LRCH2: variants seen among roughly 807,000 people sequenced by gnomAD.
LRCH2 encodes the protein leucine rich repeats and calponin homology domain containing 2, also known as leucine-rich repeat and calponin homology domain-containing protein 2.
Under a neutral mutation model 68.9 loss-of-function variants are expected in LRCH2, and 38 were observed. The ratio of observed to expected loss-of-function variants is 0.55; its 90% confidence interval spans 0.43 to 0.72. The LOEUF is 0.72. Among genes scored for constraint, LRCH2 ranks in the 30% least tolerant of loss-of-function variants. LRCH2 has a pLI of 0.00. For missense variants in LRCH2, 528 were observed against 572.9 expected, an observed-to-expected ratio of 0.92 and a Z score of 0.80; for synonymous variants, 191 against 208.1, an observed-to-expected ratio of 0.92 and a Z score of 0.71.
intron 5 of LRCH2, among the ~76,000 whole-genome samples, chrX:115,176,905 C>A (rs1479467628): frequency 9.3e-6 from 1 of 107,961 alleles, no homozygotes. Context: ...TGCCACCACA[C>A]CCAGCTAATT....
At chrX:115,219,053 C>A (rs953244751) in intron 1 of LRCH2, among the ~76,000 whole-genome samples, 2 of 111,839 alleles carry the variant, frequency 1.8e-5, no homozygotes, top group African/African-American at 6.5e-5. Flanking sequence ...TACCTTTCTA[C>A]TGCATGAGAA....
chrX:115,192,184 G>A lies in LRCH2; in HGVS notation c.350-3814C>T, dbSNP rs1392976094. The A allele has an allele frequency of 2.6e-6, 3 of 1,164,224 alleles. No homozygotes were observed. The East Asian group carries it at 9.8e-5, about 38-fold the overall frequency. ...TTACGGAAGAGGAGGCTGCTACGAG[G>A]AATACCAAGGCCGCTCGCCCAATGC... is the stretch of plus-strand genomic sequence containing the variant. On this transcript the variant is annotated intron_variant, in intron 1 of 20. Transcript: ENST00000317135.
chrX:115,128,323 C>T (rs1190589322), intron 15 of LRCH2, among the ~76,000 whole-genome samples: 1 of 111,440 alleles, frequency 9.0e-6, no homozygotes, highest in Non-Finnish European at 1.9e-5. Context: ...GGAATATGTT[C>T]CAAGAACCCC....
chrX:115,217,375 C>G (rs1487229284), intron 1 of LRCH2, among the ~76,000 whole-genome samples: 3 of 110,743 alleles, frequency 2.7e-5, no homozygotes, highest in Non-Finnish European at 5.7e-5. Context: ...CTATCCCTCC[C>G]CTGGCCTCCC....
At chrX:115,164,817 G>T (rs1461190800) in intron 10 of LRCH2, among the ~76,000 whole-genome samples, 4 of 110,845 alleles carry the variant, frequency 3.6e-5, no homozygotes, top group Admixed American at 9.7e-5. Context: ...TTCACCAAAT[G>T]TTTCTTCTTT....
At chrX:115,166,783 T>C (rs2072563367) in intron 6 of LRCH2, among the ~76,000 whole-genome samples, 1 of 110,967 alleles carries the variant, frequency 9.0e-6, no homozygotes, top group Non-Finnish European at 1.9e-5. Context: ...AGAGAGGATG[T>C]AAAAATGAAA....
intron 6 of LRCH2, among the ~76,000 whole-genome samples, chrX:115,167,232 CA>C (rs1227806913): frequency 9.9e-5 from 4 of 40,600 alleles, no homozygotes; most frequent in African/African-American, 1.8e-4. Context: ...ATAACAACAA[CA>C]AAAAAAAACT....
chrX:115,126,593 C>G (rs1325771902), intron 16 of LRCH2: 2 of 252,744 alleles, frequency 7.9e-6, no homozygotes, highest in African/African-American at 5.8e-5. Flanking sequence ...ACAGACACTA[C>G]AGACACTACA....
intron 1 of LRCH2, among the ~76,000 whole-genome samples, chrX:115,218,090 T>C (rs931654819): frequency 4.5e-5 from 5 of 111,264 alleles, no homozygotes; most frequent in Non-Finnish European, 9.4e-5. Flanking sequence ...TGAGCCAAGA[T>C]TGGACCACTG....
At chrX:115,233,095 C>T (rs1429625127) in intron 1 of LRCH2, among the ~76,000 whole-genome samples, 1 of 111,871 alleles carries the variant, frequency 8.9e-6, no homozygotes, top group Non-Finnish European at 1.9e-5. Context: ...ATTTAATTTA[C>T]CACTGCAGCA....
At position 115,111,918 on chromosome X, in the gene LRCH2, A is replaced by G. The variant is rs781997854; in HGVS notation, c.*1298T>C. 8.9e-5 allele frequency: 10 copies of G among 112,356 alleles called. No homozygotes were observed. In the South Asian group the frequency reaches 3.6e-3, roughly 41 times the overall value. 9.3% of individuals were successfully genotyped at this position (112,356 alleles called of 1,213,427 possible). A position where few individuals can be genotyped will look rare whatever the true frequency, so the allele number is the denominator to read the frequency against. On this transcript the variant is annotated 3_prime_UTR_variant, in exon 21 of 21. Coordinates refer to ENST00000317135, the MANE Select transcript of LRCH2 (RefSeq NM_020871.4). ...AAGATATGATGCTTGCTTGGTTACTACAAAAGTAATTATTCAGGTTCTTCT... is the reference window on the plus strand; with the variant it reads ...AAGATATGATGCTTGCTTGGTTACTGCAAAAGTAATTATTCAGGTTCTTCT...
intron 20 of LRCH2, among the ~76,000 whole-genome samples, chrX:115,119,550 C>A (rs1382215441): frequency 1.4e-5 from 1 of 70,385 alleles, no homozygotes; most frequent in Non-Finnish European, 2.7e-5. Context: ...ACATTCCATG[C>A]TCATGGGTAG....
intron 16 of LRCH2, chrX:115,126,396 T>C (rs188212851): frequency 8.9e-6 from 1 of 112,644 alleles, no homozygotes; most frequent in East Asian, 2.8e-4. Context: ...TGCATTGGTT[T>C]CAGACCTAAC....
chrX:115,188,255 AT>A lies in LRCH2; in HGVS notation c.464del (p.Asn155IlefsTer5). The part of the protein sequence containing the change: ...CIKTIPEAIK[N>X]LQMLTYLNIS... ...TGTTAAGGTATGTTAACATCTGCAG[AT>A]TTTTAATGGCTTCAGGAATGGTTTT... On this transcript the variant is annotated frameshift_variant, in exon 2 of 21. Coordinates refer to ENST00000317135, the MANE Select transcript of LRCH2 (RefSeq NM_020871.4). LOFTEE classifies it high-confidence loss of function. 1 of 1,173,882 alleles carries A rather than the reference AT, an allele frequency of 8.5e-7. No homozygotes were observed. The highest frequency in any genetic ancestry group is 1.1e-6 in the Non-Finnish European group (1 of 875,930).
intron 1 of LRCH2, among the ~76,000 whole-genome samples, chrX:115,194,377 A>G (rs1381375827): frequency 2.7e-5 from 3 of 112,010 alleles, no homozygotes; most frequent in African/African-American, 9.7e-5. Flanking sequence ...AGCATCACAC[A>G]GTTCTATTGG....
At chrX:115,123,896 C>T (rs1556526773) in intron 17 of LRCH2, 49 bp downstream of exon 17, 2 of 800,932 alleles carry the variant, frequency 2.5e-6, no homozygotes, top group South Asian at 5.3e-5. Context: ...AGCTGGGAAA[C>T]TAGTTTCATA....
chrX:115,146,082 A>G (rs781962781), intron 14 of LRCH2, among the ~76,000 whole-genome samples: 2 of 112,327 alleles, frequency 1.8e-5, no homozygotes, highest in Non-Finnish European at 3.8e-5. Context: ...TGTGGTACAC[A>G]TACACAATGG....
chrX:115,155,805 T>G lies in LRCH2; in HGVS notation c.1529+797A>C, dbSNP rs781846219. On this transcript the variant is annotated intron_variant, in intron 12 of 20. Transcript: ENST00000317135. ...TTCCCCAAGAGAATGAAGAAAGAAG[T>G]TCTGTTCCTAAATGCAAATGGTGCC... Among the ~76,000 whole-genome samples, 144 of 111,647 alleles carry G rather than the reference T, an allele frequency of 1.3e-3. 3 individuals carry two copies. In the South Asian group the frequency reaches 0.05, roughly 39 times the overall value.
chrX:115,194,341 TC>T (rs1208684821), intron 1 of LRCH2, among the ~76,000 whole-genome samples: 2 of 111,973 alleles, frequency 1.8e-5, no homozygotes, highest in African/African-American at 3.2e-5. Flanking sequence ...TTCCCAATAT[TC>T]TGGCTTACCT....
Sources: gnomAD v4.1 joint callset for allele counts (sites outside exome capture counted in the v4.1 genomes callset) on GRCh38, gnomAD v4.1.1 for gene constraint, MANE v1.5 for transcripts, NCBI Gene and HGNC (gene_info 2026-07-23, HGNC 2026-07-21) for gene names.